The following COX7B2 variants were observed in gnomAD, a reference collection of about 807,000 sequenced individuals.
COX7B2 encodes the protein cytochrome c oxidase subunit 7B2.
For synonymous variants in COX7B2, 37 were observed against 32.1 expected, an observed-to-expected ratio of 1.15 and a Z score of -0.51; for missense variants, 109 against 95.9, an observed-to-expected ratio of 1.14 and a Z score of -0.57.
intron 2 of COX7B2, among the ~76,000 whole-genome samples, chr4:46,831,412 A>C (rs1333385085): frequency 1.3e-5 from 2 of 151,914 alleles, no homozygotes; most frequent in Non-Finnish European, 1.5e-5. Context: ...CCCATCGACC[A>C]CCCAGGGGCT....
chr4:46,894,597 G>A (rs752021324), intron 1 of COX7B2, among the ~76,000 whole-genome samples: 2 of 152,170 alleles, frequency 1.3e-5, no homozygotes, highest in South Asian at 4.1e-4. Context: ...TCATGAAAAA[G>A]ATACCAAAAA....
chr4:46,886,303 T>C (rs1441564111), intron 1 of COX7B2, among the ~76,000 whole-genome samples: 1 of 152,220 alleles, frequency 6.6e-6, no homozygotes, highest in African/African-American at 2.4e-5. Context: ...TGAGTACATG[T>C]GATATTTTCA....
intron 2 of COX7B2, among the ~76,000 whole-genome samples, chr4:46,787,701 G>GA (rs1043574580): frequency 6.6e-6 from 1 of 152,170 alleles, no homozygotes; most frequent in African/African-American, 2.4e-5. Context: ...GCAGAGCCTT[G>GA]ATACACAAAG....
Position 46,796,236 on chromosome 4 carries a change from T to C in COX7B2, c.-50+48724A>G, listed in dbSNP as rs1429489418. On this transcript the variant is annotated intron_variant, in intron 2 of 2. Transcript: ENST00000355591. ...GCCCTGGCCAGAACTTCCAACACTA[T>C]GTTGAATAGGAGCGGTGAGAGAGGG... 5.4e-5 allele frequency among the ~76,000 whole-genome samples: 8 copies of C among 147,864 alleles called. No homozygotes were observed. In the South Asian group the frequency reaches 1.3e-3, roughly 23 times the overall value.
chr4:46,798,787 A>G (rs998436343), intron 2 of COX7B2, among the ~76,000 whole-genome samples: 8 of 152,192 alleles, frequency 5.3e-5, no homozygotes, highest in African/African-American at 1.7e-4. Flanking sequence ...TGATATATAC[A>G]TGATGGGTCC....
At chr4:46,755,815 A>G (rs1292622891) in intron 2 of COX7B2, among the ~76,000 whole-genome samples, 2 of 152,154 alleles carry the variant, frequency 1.3e-5, no homozygotes, top group African/African-American at 4.8e-5. Flanking sequence ...ACTGTAGATG[A>G]CACAAACAAA....
intron 1 of COX7B2, among the ~76,000 whole-genome samples, chr4:46,879,270 C>A (rs755713736): frequency 1.3e-5 from 2 of 152,014 alleles, no homozygotes; most frequent in Non-Finnish European, 2.9e-5. Context: ...CTCTAGTCTT[C>A]CAAAGACTAA....
Position 46,740,431 on chromosome 4 carries a change from G to T in COX7B2, c.-49-5190C>A, listed in dbSNP as rs1714635997. Among the ~76,000 whole-genome samples, 3 of 152,114 alleles carry T rather than the reference G, an allele frequency of 2.0e-5. No individual in the cohort carries two copies. In the South Asian group the frequency reaches 6.2e-4, roughly 32 times the overall value. ...TGTATTAAGCTCCCAATATAATGAA[G>T]ATCAATTCAGTTTCAAGTTTACCCA... On this transcript the variant is annotated intron_variant, in intron 2 of 2. Transcript: ENST00000355591.
At chr4:46,860,511 T>C (rs538952542) in intron 1 of COX7B2, among the ~76,000 whole-genome samples, 14 of 152,230 alleles carry the variant, frequency 9.2e-5, no homozygotes, top group Middle Eastern at 3.4e-3. Context: ...CCAGTCAGCA[T>C]CATTTTGGCT....
At chr4:46,877,337 C>T (rs1718408260) in intron 1 of COX7B2, among the ~76,000 whole-genome samples, 1 of 152,186 alleles carries the variant, frequency 6.6e-6, no homozygotes, top group Admixed American at 6.5e-5. Flanking sequence ...TTTACTAAGA[C>T]ATGTCTCTGG....
At chr4:46,828,475 T>C (rs1350903604) in intron 2 of COX7B2, among the ~76,000 whole-genome samples, 1 of 152,074 alleles carries the variant, frequency 6.6e-6, no homozygotes, top group African/African-American at 2.4e-5. Context: ...GACTTAGAAA[T>C]TGAGTCAGCC....
At position 46,875,908 on chromosome 4, in the gene COX7B2, C is replaced by T. The variant is rs569411950; in HGVS notation, c.-104-30894G>A. On this transcript the variant is annotated intron_variant, in intron 1 of 2. Coordinates refer to ENST00000355591, the MANE Select transcript of COX7B2 (RefSeq NM_130902.3). ...ATAAATTCTATTAAAATTTCAACTA[C>T]TATAGCCCACCGGTCTTACTTTTCT... Among the ~76,000 whole-genome samples, 12 of 152,096 alleles carry T rather than the reference C, an allele frequency of 7.9e-5. No individual in the cohort carries two copies. The South Asian group carries it at 1.0e-3, about 13-fold the overall frequency.
chr4:46,814,267 A>G (rs1263948803), intron 2 of COX7B2, among the ~76,000 whole-genome samples: 1 of 152,364 alleles, frequency 6.6e-6, no homozygotes, highest in East Asian at 1.9e-4. Context: ...CAGCAGTTTC[A>G]GATTTCAGAA....
chr4:46,880,993 T>TAAAAA lies in COX7B2; in HGVS notation c.-105+28162_-105+28166dup, dbSNP rs1215385422. ...ATGTACCCTAAAACTTAGAGTATAA[T>TAAAAA]AAAAAAAAAAAAAAAAAACTCTTGG... is the stretch of plus-strand genomic sequence containing the variant. On this transcript the variant is annotated intron_variant, in intron 1 of 2. Coordinates refer to ENST00000355591, the MANE Select transcript of COX7B2 (RefSeq NM_130902.3). Among the ~76,000 whole-genome samples, 177 of 102,802 alleles carry TAAAAA rather than the reference T, an allele frequency of 1.7e-3. 3 individuals are homozygous for TAAAAA. The highest frequency in any genetic ancestry group is 0.014 in the South Asian group (43 of 3,106). The allele number at this position is 102,802 out of a possible 152,430, so 67.4% of individuals were successfully genotyped here. A position where few individuals can be genotyped will look rare whatever the true frequency, so the allele number is the denominator to read the frequency against.
intron 1 of COX7B2, among the ~76,000 whole-genome samples, chr4:46,875,950 T>C (rs1681097331): frequency 6.6e-6 from 1 of 152,182 alleles, no homozygotes; most frequent in African/African-American, 2.4e-5. Flanking sequence ...TTATACTACA[T>C]AGAGTAATTC....
chr4:46,859,888 G>A (rs1050554610), intron 1 of COX7B2, among the ~76,000 whole-genome samples: 1 of 152,192 alleles, frequency 6.6e-6, no homozygotes, highest in South Asian at 2.1e-4. Flanking sequence ...TCAACAGCCT[G>A]TAACTTCCTA....
At chr4:46,907,847 A>ATTTTTTTTTT (rs1308450950) in intron 1 of COX7B2, among the ~76,000 whole-genome samples, 1 of 67,238 alleles carries the variant, frequency 1.5e-5, no homozygotes, top group Non-Finnish European at 3.2e-5. Context: ...ATTTGAGCAG[A>ATTTTTTTTTT]CTTTTTTTTT....
chr4:46,896,268 CAATGCACCTTTTGTTTATGGA>C (rs1358467552), intron 1 of COX7B2, among the ~76,000 whole-genome samples: 3 of 152,178 alleles, frequency 2.0e-5, no homozygotes, highest in African/African-American at 7.2e-5. Context: ...GAAAATTCTG[CAATGCACCTTTTGTTTATGGA>C]AATCTCTATC....
intron 2 of COX7B2, among the ~76,000 whole-genome samples, chr4:46,773,749 T>C (rs1018550464): frequency 2.6e-5 from 4 of 152,168 alleles, no homozygotes; most frequent in Non-Finnish European, 5.9e-5. Context: ...ATTTCTAATT[T>C]AAAATATGTT....
Sources: allele counts gnomAD v4.1 joint callset (sites outside exome capture counted in the v4.1 genomes callset), GRCh38; gene constraint gnomAD v4.1.1; transcripts MANE v1.5; gene names NCBI Gene and HGNC (gene_info 2026-07-23, HGNC 2026-07-21).